The following SAMD12 variants were observed in gnomAD, a reference collection of about 807,000 sequenced individuals.
SAMD12 encodes the protein sterile alpha motif domain containing 12.
In SAMD12, 9 loss-of-function variants were observed where a neutral mutation model predicts 15.0. The ratio of observed to expected loss-of-function variants is 0.60; its 90% confidence interval spans 0.36 to 1.05. The LOEUF is 1.05. SAMD12 is among the 50% of genes least tolerant of loss of function. The pLI, the probability that SAMD12 is intolerant of heterozygous loss-of-function variation, is 0.01. For synonymous variants in SAMD12, 86 were observed against 90.1 expected (o/e 0.96, Z 0.25); for missense variants, 230 against 234.2 (o/e 0.98, Z 0.12).
chr8:118,340,765 T>C (rs967750480), intron 4 of SAMD12, among the ~76,000 whole-genome samples: 1 of 152,104 alleles, frequency 6.6e-6, no homozygotes, highest in Non-Finnish European at 1.5e-5. Flanking sequence ...TGAGACTCTG[T>C]CTCAAAAAAA....
chr8:118,604,888 C>T (rs1331838912), intron 1 of SAMD12, among the ~76,000 whole-genome samples: 1 of 151,928 alleles, frequency 6.6e-6, no homozygotes, highest in African/African-American at 2.4e-5. Flanking sequence ...CACCACTGCA[C>T]TCCAGCCTGG....
intron 2 of SAMD12, among the ~76,000 whole-genome samples, chr8:118,456,814 C>A (rs1823267367): frequency 6.6e-6 from 1 of 152,202 alleles, no homozygotes; most frequent in Admixed American, 6.5e-5. Flanking sequence ...CTTTCTGTCA[C>A]TGTACACTTT....
chr8:118,606,384 T>C (rs1827986206), intron 1 of SAMD12, among the ~76,000 whole-genome samples: 1 of 152,104 alleles, frequency 6.6e-6, no homozygotes, highest in South Asian at 2.1e-4. Flanking sequence ...TTCACATCCT[T>C]GTTTGTGAAA....
the SAMD12 span, among the ~76,000 whole-genome samples, chr8:118,179,052 C>T: frequency 1.9e-4 from 29 of 152,308 alleles, no homozygotes; most frequent in African/African-American, 6.5e-4. Context: ...GTCCACAGGA[C>T]TCCCTCCTCC....
chr8:118,511,468 T>C (rs1249449673), intron 2 of SAMD12, among the ~76,000 whole-genome samples: 1 of 152,018 alleles, frequency 6.6e-6, no homozygotes, highest in Non-Finnish European at 1.5e-5. Context: ...TTTTTAAATG[T>C]ACGTGAATAG....
chr8:118,168,047 T>G, the SAMD12 span, among the ~76,000 whole-genome samples: 1 of 152,188 alleles, frequency 6.6e-6, no homozygotes, highest in Non-Finnish European at 1.5e-5. Flanking sequence ...CATGCTATTC[T>G]CGTGATAGTG....
At chr8:118,529,430 C>A (rs548392550) in intron 2 of SAMD12, among the ~76,000 whole-genome samples, 1 of 152,106 alleles carries the variant, frequency 6.6e-6, no homozygotes, top group South Asian at 2.1e-4. Context: ...GATACAAGTG[C>A]GGTTTTGTTA....
chr8:118,379,815 A>G lies in SAMD12; in HGVS notation c.323-115T>C, dbSNP rs528754930. 27 of 1,290,072 alleles carry G rather than the reference A, an allele frequency of 2.1e-5. No homozygotes were observed. In the South Asian group the frequency reaches 3.6e-4, roughly 17 times the overall value. 79.9% of individuals were successfully genotyped at this position (1,290,072 alleles called of 1,614,324 possible). On this transcript the variant is annotated intron_variant, in intron 3 of 3. Transcript: ENST00000314727. ...CAGAAGTTTCTACCTAAACACAGAC[A>G]TTTTAGAATAAAGGTCTTCCATTAT...
At chr8:118,347,786 T>C (rs1413100441) in intron 4 of SAMD12, among the ~76,000 whole-genome samples, 6 of 152,200 alleles carry the variant, frequency 3.9e-5, no homozygotes, top group African/African-American at 1.4e-4. Flanking sequence ...AACACACTAG[T>C]AATAATAACT....
chr8:118,469,525 A>ATATATTTTATATATAAAT (rs376552418), intron 2 of SAMD12, among the ~76,000 whole-genome samples: 1 of 1,280 alleles, frequency 7.8e-4, no homozygotes, highest in African/African-American at 2.6e-3. Flanking sequence ...TAATATATAT[A>ATATATTTTATATATAAAT]ATATATTATA....
chr8:118,478,420 G>C (rs978094406), intron 2 of SAMD12, among the ~76,000 whole-genome samples: 2 of 152,214 alleles, frequency 1.3e-5, no homozygotes, highest in Non-Finnish European at 2.9e-5. Context: ...GCTGTGTGGA[G>C]AGCCATCTCA....
Position 118,507,954 on chromosome 8 carries a change from CTGTT to C in SAMD12, c.193-67997_193-67994del, listed in dbSNP as rs1394087639. ...ATTTGTTTCAAAGGGAAGGTGATGA[CTGTT>C]TGGTTGAGCAAACCCCTAGATAGTA... On this transcript the variant is annotated intron_variant, in intron 2 of 3. Transcript: ENST00000314727. Among the ~76,000 whole-genome samples, 8 of 146,194 alleles carry C rather than the reference CTGTT, an allele frequency of 5.5e-5. No homozygotes were observed. In the East Asian group the frequency reaches 1.6e-3, roughly 29 times the overall value.
chr8:118,588,905 C>T (rs1344962072), intron 1 of SAMD12, among the ~76,000 whole-genome samples: 1 of 152,116 alleles, frequency 6.6e-6, no homozygotes, highest in Non-Finnish European at 1.5e-5. Context: ...ATATGATTTC[C>T]AAATTTCTCC....
At chr8:118,462,737 A>C (rs1040845670) in intron 2 of SAMD12, among the ~76,000 whole-genome samples, 1 of 152,212 alleles carries the variant, frequency 6.6e-6, no homozygotes, top group Non-Finnish European at 1.5e-5. Flanking sequence ...CAAGGACCAC[A>C]TGGGAAGACA....
At chr8:118,298,421 G>T (rs927632952) in intron 4 of SAMD12, among the ~76,000 whole-genome samples, 4 of 152,070 alleles carry the variant, frequency 2.6e-5, no homozygotes, top group African/African-American at 7.2e-5. Context: ...TAATATTTAA[G>T]AATTTTTTTT....
downstream of SAMD12, among the ~76,000 whole-genome samples, chr8:118,189,275 T>C (rs1419817909): frequency 6.6e-6 from 1 of 152,190 alleles, no homozygotes; most frequent in Non-Finnish European, 1.5e-5. Context: ...ATTATTTCTC[T>C]AAGAAACACA....
At chr8:118,335,494 T>C (rs1223862058) in intron 4 of SAMD12, among the ~76,000 whole-genome samples, 3 of 152,214 alleles carry the variant, frequency 2.0e-5, no homozygotes, top group Non-Finnish European at 4.4e-5. Flanking sequence ...TTTCAGGAAC[T>C]ACTGATTCTC....
At chr8:118,241,099 T>A (rs1428796322) in intron 4 of SAMD12, among the ~76,000 whole-genome samples, 1 of 152,160 alleles carries the variant, frequency 6.6e-6, no homozygotes, top group East Asian at 1.9e-4. Flanking sequence ...AGTCCAATAT[T>A]TCTCTCCCAT....
rs890869972 is a variant in SAMD12, at chr8:118,585,380, A to G, written c.14-4487T>C. 3.3e-5 allele frequency among the ~76,000 whole-genome samples: 5 copies of G among 152,208 alleles called. No individual in the cohort carries two copies. In the South Asian group the frequency reaches 1.0e-3, roughly 32 times the overall value. On this transcript the variant is annotated intron_variant, in intron 1 of 3. Coordinates refer to ENST00000314727, the MANE Select transcript of SAMD12 (RefSeq NM_207506.3). ...GGAGATGGATGGTGATGATGGTTAT[A>G]CAATAATGTGAATGTGCCTAATGCC...
Sources: gnomAD v4.1 joint callset for allele counts (sites outside exome capture counted in the v4.1 genomes callset) on GRCh38, gnomAD v4.1.1 for gene constraint, MANE v1.5 for transcripts, NCBI Gene and HGNC (gene_info 2026-07-23, HGNC 2026-07-21) for gene names.